Variants in RAB3GAP2 observed in about 807,000 individuals in gnomAD.
RAB3GAP2 encodes the protein RAB3 GTPase activating non-catalytic protein subunit 2.
In RAB3GAP2, 87 loss-of-function variants were observed where a neutral mutation model predicts 185.3. That is an observed-to-expected ratio of 0.47 (90% CI 0.39 to 0.56). The LOEUF is 0.56. RAB3GAP2 is among the 20% of genes least tolerant of loss of function. The pLI is 0.00. For synonymous variants in RAB3GAP2, 554 were observed against 576.1 expected, an observed-to-expected ratio of 0.96 and a Z score of 0.55; for missense variants, 1,492 against 1,638.2, an observed-to-expected ratio of 0.91 and a Z score of 1.54.
At chr1:220,199,656 G>A (rs977516837) in intron 9 of RAB3GAP2, among the ~76,000 whole-genome samples, 2 of 152,016 alleles carry the variant, frequency 1.3e-5, no homozygotes, top group South Asian at 2.1e-4. Flanking sequence ...CTGTAAAAAC[G>A]TAACTCTTTA....
At chr1:220,171,530 T>C (rs1187603360) in intron 23 of RAB3GAP2, among the ~76,000 whole-genome samples, 1 of 152,152 alleles carries the variant, frequency 6.6e-6, no homozygotes, top group African/African-American at 2.4e-5. Context: ...AAGCAGGCAA[T>C]ATTAAATTTA....
In RAB3GAP2 at chr1:220,150,230, T is replaced by C. The variant is rs972508737; in HGVS notation, c.*1021A>G. 5 of 152,212 alleles carry C rather than the reference T, an allele frequency of 3.3e-5. No individual in the cohort carries two copies. Among genetic ancestry groups the C allele is most frequent in the African/African-American group, 1.2e-4 (5 of 41,334 alleles). 9.4% of individuals were successfully genotyped at this position (152,212 alleles called of 1,614,324 possible). ...ATAGTTTGGTTTTAATCAGTAAATA[T>C]TTATTTAGCACTTGGACTGCTCTAG... is the stretch of plus-strand genomic sequence containing the variant. On this transcript the variant is annotated 3_prime_UTR_variant, in exon 35 of 35. Coordinates refer to ENST00000358951, the MANE Select transcript of RAB3GAP2 (RefSeq NM_012414.4).
At chr1:220,169,600 T>C (rs1004403871) in intron 24 of RAB3GAP2, among the ~76,000 whole-genome samples, 2 of 152,172 alleles carry the variant, frequency 1.3e-5, no homozygotes, top group Non-Finnish European at 2.9e-5. Flanking sequence ...TCATTTTAAC[T>C]AAAATCTAGG....
intron 2 of RAB3GAP2, 84 bp downstream of exon 2, chr1:220,232,714 TC>T: frequency 8.1e-7 from 1 of 1,239,178 alleles, no homozygotes. Context: ...ATTTAAAATG[TC>T]AGCTTGACAG....
At chr1:220,195,488 T>C in intron 10 of RAB3GAP2, 111 bp from the exon 11 acceptor site, 2 of 988,528 alleles carry the variant, frequency 2.0e-6, no homozygotes, top group East Asian at 4.8e-5. Flanking sequence ...AAGGCTGGAC[T>C]AGCAACTCAG....
At chr1:220,185,612 G>A (rs761339634) in intron 18 of RAB3GAP2, 39 bp downstream of exon 18, 47 of 1,490,732 alleles carry the variant, frequency 3.2e-5, no homozygotes, top group Non-Finnish European at 3.8e-5. Flanking sequence ...CAAAATTTGA[G>A]TTAAGAACAT....
intron 1 of RAB3GAP2, among the ~76,000 whole-genome samples, chr1:220,245,589 G>A (rs1474657599): frequency 6.6e-6 from 1 of 152,126 alleles, no homozygotes; most frequent in Admixed American, 6.5e-5. Context: ...CGAGGCTGGG[G>A]GAGGGGCGCC....
At chr1:220,177,050 A>C (rs1658304816) in intron 21 of RAB3GAP2, among the ~76,000 whole-genome samples, 1 of 152,216 alleles carries the variant, frequency 6.6e-6, no homozygotes, top group African/African-American at 2.4e-5. Flanking sequence ...CTCTAACTGC[A>C]GCTGGGGACC....
At chr1:220,153,067 C>A (rs1407853903) in intron 33 of RAB3GAP2, 118 bp downstream of exon 33, 4 of 785,942 alleles carry the variant, frequency 5.1e-6, no homozygotes, top group South Asian at 2.8e-5. Flanking sequence ...TATTTTTATA[C>A]CTAGATGTTC....
chr1:220,177,083 C>T (rs1658305908), intron 21 of RAB3GAP2, among the ~76,000 whole-genome samples: 1 of 152,252 alleles, frequency 6.6e-6, no homozygotes, highest in African/African-American at 2.4e-5. Context: ...CAGACACCTG[C>T]TGGGATGCAT....
intron 1 of RAB3GAP2, chr1:220,267,309 G>T: frequency 2.1e-6 from 2 of 971,318 alleles, no homozygotes; most frequent in South Asian, 1.3e-5. Flanking sequence ...AGACTCTGGT[G>T]GCATCATGGA....
intron 1 of RAB3GAP2, 34 bp downstream of exon 1, chr1:220,272,189 A>G (rs906356583): frequency 5.8e-6 from 9 of 1,542,054 alleles, no homozygotes; most frequent in Middle Eastern, 1.8e-4. Flanking sequence ...GCGGGTGACG[A>G]GGGAAGGAAG....
chr1:220,249,130 C>T (rs1002600137), intron 1 of RAB3GAP2, among the ~76,000 whole-genome samples: 1 of 152,106 alleles, frequency 6.6e-6, no homozygotes, highest in Non-Finnish European at 1.5e-5. Context: ...GGTTAACAGG[C>T]AGAGGTTAGA....
rs1384996527 is a variant in RAB3GAP2, at chr1:220,181,117, A to G, written c.2310+1140T>C. Among the ~76,000 whole-genome samples the G allele has an allele frequency of 2.0e-5, 3 of 152,192 alleles. No homozygotes were observed. In the South Asian group the frequency reaches 6.2e-4, roughly 32 times the overall value. On this transcript the variant is annotated intron_variant, in intron 21 of 34. Transcript: ENST00000358951. ...AGATGTGCATAGGTTACATGCAAAT[A>G]CCACACCATTTTAACTTTTTTGCTT...
rs548397858 is a variant in RAB3GAP2, at chr1:220,195,386, C to A, written c.961-9G>T. On this transcript the variant is annotated splice_polypyrimidine_tract_variant and intron_variant, in intron 10 of 34. Transcript: ENST00000358951. ...AATGGTTGTGTGCTTCCCTGAAAAA[C>A]AGAACATTTGAAAGAGAAAACTTAG... The A allele has an allele frequency of 1.2e-6, 2 of 1,606,204 alleles. No individual in the cohort carries two copies. The highest frequency in any genetic ancestry group is 2.7e-5 in the African/African-American group (2 of 74,812).
intron 6 of RAB3GAP2, 126 bp downstream of exon 6, chr1:220,210,675 C>G: frequency 8.9e-7 from 1 of 1,119,656 alleles, no homozygotes; most frequent in Non-Finnish European, 1.3e-6. Context: ...CCGGCCTCTA[C>G]CCCCATAAAG....
intron 2 of RAB3GAP2, among the ~76,000 whole-genome samples, chr1:220,231,615 C>T (rs192085644): frequency 2.0e-5 from 3 of 152,206 alleles, no homozygotes; most frequent in Admixed American, 6.5e-5. Flanking sequence ...TATCCTCTAA[C>T]TCCAGGGAAT....
chr1:220,253,645 T>C (rs1054053270), intron 1 of RAB3GAP2: 74 of 1,592,564 alleles, frequency 4.6e-5, no homozygotes, highest in Non-Finnish European at 6.0e-5. Context: ...GCCTCTTCTT[T>C]ATGAAGCAAA....
intron 1 of RAB3GAP2, among the ~76,000 whole-genome samples, chr1:220,244,564 T>G (rs1368379303): frequency 6.6e-6 from 1 of 152,010 alleles, no homozygotes; most frequent in South Asian, 2.1e-4. Flanking sequence ...ATCCTAAAAT[T>G]CATATGGAAC....
Sources: gnomAD v4.1 joint callset for allele counts (sites outside exome capture counted in the v4.1 genomes callset) on GRCh38, gnomAD v4.1.1 for gene constraint, MANE v1.5 for transcripts, NCBI Gene and HGNC (gene_info 2026-07-23, HGNC 2026-07-21) for gene names.